The following DHX15 variants were observed in gnomAD, a reference collection of about 807,000 sequenced individuals.
The protein encoded by DHX15 is DEAH-box helicase 15, also known as ATP-dependent RNA helicase DHX15.
Under a neutral mutation model 94.4 loss-of-function variants are expected in DHX15, and 11 were observed. The observed-to-expected ratio is 0.12, with a 90% CI of 0.07 to 0.19. The LOEUF is 0.19. Among genes scored for constraint, DHX15 ranks in the 10% least tolerant of loss-of-function variants. DHX15 has a pLI of 1.00. For synonymous variants in DHX15, 338 were observed against 329.9 expected, an observed-to-expected ratio of 1.02 and a Z score of -0.27; for missense variants, 304 against 988.5, an observed-to-expected ratio of 0.31 and a Z score of 9.29.
intron 3 of DHX15, among the ~76,000 whole-genome samples, chr4:24,558,985 T>C (rs566145898): frequency 2.6e-5 from 4 of 152,128 alleles, no homozygotes; most frequent in African/African-American, 9.7e-5. Flanking sequence ...TCGAAAGATA[T>C]GCCCAGGTCC....
intron 6 of DHX15, among the ~76,000 whole-genome samples, chr4:24,545,434 T>C (rs527240092): frequency 1.3e-5 from 2 of 152,340 alleles, no homozygotes; most frequent in East Asian, 3.9e-4. Flanking sequence ...GATACATGAT[T>C]CTGCAAGTGT....
intron 5 of DHX15, among the ~76,000 whole-genome samples, chr4:24,551,310 G>GTT (rs140867489): frequency 2.6e-5 from 4 of 151,924 alleles, no homozygotes; most frequent in Non-Finnish European, 5.9e-5. Flanking sequence ...CAAAGTGCGT[G>GTT]TTTTTTTCAA....
chr4:24,573,553 C>T (rs1385654097), intron 2 of DHX15, among the ~76,000 whole-genome samples: 2 of 152,084 alleles, frequency 1.3e-5, no homozygotes, highest in East Asian at 1.9e-4. Flanking sequence ...TTCACAGAAT[C>T]GAAACTTTTG....
At chr4:24,555,262 C>T (rs770587357) in intron 4 of DHX15, among the ~76,000 whole-genome samples, 12 of 150,886 alleles carry the variant, frequency 8.0e-5, no homozygotes, top group Non-Finnish European at 1.8e-4. Flanking sequence ...ATTATTGCTA[C>T]CATTATTAAA....
intron 11 of DHX15, among the ~76,000 whole-genome samples, chr4:24,535,576 C>G (rs1721178137): frequency 6.6e-6 from 1 of 152,144 alleles, no homozygotes; most frequent in Non-Finnish European, 1.5e-5. Flanking sequence ...GTTTCATAAC[C>G]ACATTTCCCT....
At position 24,528,060 on chromosome 4, in the gene DHX15, A is replaced by C; in HGVS notation, c.2271-19T>G. On this transcript the variant is annotated intron_variant, in intron 13 of 13. Transcript: ENST00000336812. ...CACCAACCTGTTTAGAAGTGGGCAG[A>C]AAAATTTCCAAATTAACATTTAATT... is the stretch of plus-strand genomic sequence containing the variant. The C allele has an allele frequency of 6.4e-7, 1 of 1,564,010 alleles. No individual in the cohort carries two copies. The highest frequency in any genetic ancestry group is 8.8e-7 in the Non-Finnish European group (1 of 1,134,980).
intron 3 of DHX15, among the ~76,000 whole-genome samples, chr4:24,561,108 A>G (rs928838412): frequency 3.9e-5 from 6 of 152,232 alleles, no homozygotes; most frequent in African/African-American, 1.4e-4. Flanking sequence ...TATGCGTGAA[A>G]AAAATGTGTG....
At chr4:24,536,045 T>A (rs915568103) in intron 11 of DHX15, among the ~76,000 whole-genome samples, 11 of 151,984 alleles carry the variant, frequency 7.2e-5, no homozygotes, top group African/African-American at 2.4e-4. Flanking sequence ...AATTTCTGTA[T>A]TTTTTTTCTC....
intron 3 of DHX15, among the ~76,000 whole-genome samples, chr4:24,563,845 C>A (rs1241971752): frequency 6.6e-6 from 1 of 151,920 alleles, no homozygotes; most frequent in East Asian, 1.9e-4. Flanking sequence ...GTGGGTGGAT[C>A]ACGAGGTCAG....
intron 12 of DHX15, among the ~76,000 whole-genome samples, chr4:24,531,150 G>A (rs1485789118): frequency 2.0e-5 from 3 of 151,150 alleles, no homozygotes; most frequent in South Asian, 2.1e-4. Flanking sequence ...GTGCAGTGGC[G>A]CTATCTCGGC....
rs148952620 is a variant in DHX15, at chr4:24,539,516, G to A, written c.1786+592C>T. On this transcript the variant is annotated intron_variant, in intron 10 of 13. Transcript: ENST00000336812. ...AATGGTCCAATTTTACAAAATTAGC[G>A]ATTTTATATATTAGGTATGTTTCTT... 3.7e-4 allele frequency among the ~76,000 whole-genome samples: 56 copies of A among 152,080 alleles called. 1 individual carries two copies. In the East Asian group the frequency reaches 8.1e-3, roughly 22 times the overall value.
At chr4:24,549,999 G>A (rs574412310) in intron 5 of DHX15, among the ~76,000 whole-genome samples, 60 of 148,994 alleles carry the variant, frequency 4.0e-4, no homozygotes, top group East Asian at 3.9e-3. Context: ...AGGCTGAGGC[G>A]GGAGAATCGC....
At chr4:24,544,096 G>A (rs1187675321) in intron 6 of DHX15, among the ~76,000 whole-genome samples, 3 of 152,010 alleles carry the variant, frequency 2.0e-5, no homozygotes, top group African/African-American at 7.2e-5. Flanking sequence ...ATGAGAGAAG[G>A]AAACAGCACT....
At chr4:24,538,972 G>A (rs1721253679) in intron 10 of DHX15, 2 of 152,022 alleles carry the variant, frequency 1.3e-5, no homozygotes, top group Admixed American at 6.6e-5. Flanking sequence ...AAGTACAACT[G>A]GGAGAATCTA....
chr4:24,555,570 G>T (rs773836010), intron 4 of DHX15, among the ~76,000 whole-genome samples: 14 of 151,980 alleles, frequency 9.2e-5, no homozygotes, highest in Non-Finnish European at 2.1e-4. Flanking sequence ...TTGTTTGTTT[G>T]TTTGTTTCTG....
rs1472944384 is a variant in DHX15, at chr4:24,537,524, G to A, written c.1787-351C>T. Reference sequence around the variant, plus strand: ...AATAACCAGAATAACGGTGTCAATTGCCTTTTAGCTAACTGTAATTTTTCA... The same window carrying A: ...AATAACCAGAATAACGGTGTCAATTACCTTTTAGCTAACTGTAATTTTTCA... On this transcript the variant is annotated intron_variant, in intron 10 of 13. Coordinates refer to ENST00000336812, the MANE Select transcript of DHX15 (RefSeq NM_001358.3). The surrounding 1 kb of genome is among the most constrained non-coding windows in gnomAD (Gnocchi z 4.7). 6.1e-6 allele frequency: 1 copy of A among 163,590 alleles called. No homozygotes were observed. The highest frequency in any genetic ancestry group is 2.4e-5 in the African/African-American group (1 of 41,846). The allele number at this position is 163,590 out of a possible 1,614,324, so 10.1% of individuals were successfully genotyped here.
intron 5 of DHX15, among the ~76,000 whole-genome samples, chr4:24,550,769 T>C (rs1235996745): frequency 6.6e-6 from 1 of 152,212 alleles, no homozygotes; most frequent in Non-Finnish European, 1.5e-5. Flanking sequence ...TCTAAAATAA[T>C]GATAAAACAT....
Position 24,528,105 on chromosome 4 carries a change from T to TA in DHX15, c.2271-65dup, listed in dbSNP as rs1720998955. 6.3e-6 allele frequency: 7 copies of TA among 1,106,086 alleles called. No homozygotes were observed. The African/African-American group carries it at 1.1e-4, about 17-fold the overall frequency. 68.5% of individuals were successfully genotyped at this position (1,106,086 alleles called of 1,614,324 possible). ...TTAATTGAAGTACTGGAGTTGTTAA[T>TA]AGGATAGGCATTATTCATTAATATA... On this transcript the variant is annotated intron_variant, in intron 13 of 13. Coordinates refer to ENST00000336812, the MANE Select transcript of DHX15 (RefSeq NM_001358.3).
intron 2 of DHX15, among the ~76,000 whole-genome samples, chr4:24,573,886 T>C (rs1264491432): frequency 1.3e-5 from 2 of 152,038 alleles, no homozygotes; most frequent in Non-Finnish European, 2.9e-5. Context: ...AATGTCTTTA[T>C]TGTAGGTCTG....
Sources: gnomAD v4.1 joint callset for allele counts (sites outside exome capture counted in the v4.1 genomes callset) on GRCh38, gnomAD v4.1.1 for gene constraint, Gnocchi (gnomAD v3.1) non-coding constraint, MANE v1.5 for transcripts, NCBI Gene and HGNC (gene_info 2026-07-23, HGNC 2026-07-21) for gene names.